The following RABGAP1L variants were observed in gnomAD, a reference collection of about 807,000 sequenced individuals.
RABGAP1L encodes rab GTPase-activating protein 1-like.
RABGAP1L carries 63 observed loss-of-function variants against 137.7 expected under a neutral mutation model. The observed-to-expected ratio is 0.46, with a 90% CI of 0.37 to 0.56. The LOEUF (loss-of-function observed/expected upper bound fraction) is 0.56, where lower values mean the gene tolerates loss of function less well. Ranked by LOEUF, RABGAP1L falls within the 20% of genes least tolerant of loss-of-function variation. RABGAP1L has a pLI of 0.00. For missense variants in RABGAP1L, 1,095 were observed against 1,244.0 expected (o/e 0.88, Z 1.80); for synonymous variants, 431 against 433.7 (o/e 0.99, Z 0.08).
chr1:174,912,838 C>T (rs1353097051), intron 19 of RABGAP1L, among the ~76,000 whole-genome samples: 1 of 152,160 alleles, frequency 6.6e-6, no homozygotes, highest in East Asian at 1.9e-4. Context: ...CCTCATTAAG[C>T]AGCACCAGTA....
In RABGAP1L at chr1:174,929,558, A is replaced by T. The variant is rs1663385511; in HGVS notation, c.2341-27899A>T. Among the ~76,000 whole-genome samples the T allele has an allele frequency of 2.0e-5, 3 of 152,070 alleles. No homozygotes were observed. The South Asian group carries it at 6.2e-4, about 31-fold the overall frequency. The stretch of plus-strand genomic sequence containing the variant: ...AGAGTTTGAGACCAGCCTGGGCAAC[A>T]TAACGAGATCCTATCTCCAGAAGCA... On this transcript the variant is annotated intron_variant, in intron 19 of 25. Coordinates refer to ENST00000681986, the MANE Select transcript of RABGAP1L (RefSeq NM_001366446.1).
At chr1:174,323,275 GGAA>G (rs1465909282) in intron 11 of RABGAP1L, among the ~76,000 whole-genome samples, 17 of 151,856 alleles carry the variant, frequency 1.1e-4, no homozygotes, top group African/African-American at 4.1e-4. Flanking sequence ...TTATATATAA[GGAA>G]GAAGATTCAA....
At chr1:174,874,732 A>C (rs958776593) in intron 19 of RABGAP1L, among the ~76,000 whole-genome samples, 1 of 151,996 alleles carries the variant, frequency 6.6e-6, no homozygotes, top group African/African-American at 2.4e-5. Flanking sequence ...TAGCTTCTGA[A>C]GTTTTGGAGG....
intron 5 of RABGAP1L, among the ~76,000 whole-genome samples, chr1:174,244,127 A>T (rs1385969542): frequency 6.6e-6 from 1 of 152,212 alleles, no homozygotes; most frequent in Non-Finnish European, 1.5e-5. Context: ...TCTGGTTCCC[A>T]GAAGTTTTCT....
chr1:174,804,255 G>GTTTGT lies in RABGAP1L; in HGVS notation c.2212-7558_2212-7554dup, dbSNP rs1192750210. ...TTTTCCCTGCGGATGTTTTTTTTTTGTTTGTTTTGTTTTGTTTTGTTTTTT... is the reference window on the plus strand; with the variant it reads ...TTTTCCCTGCGGATGTTTTTTTTTTGTTTGTTTTGTTTTGTTTTGTTTTGTTTTTT... On this transcript the variant is annotated intron_variant, in intron 18 of 25. Transcript: ENST00000681986. Among the ~76,000 whole-genome samples the GTTTGT allele has an allele frequency of 2.5e-3, 165 of 67,258 alleles. 1 individual carries two copies. Among genetic ancestry groups the GTTTGT allele is most frequent in the African/African-American group, 4.7e-3 (149 of 31,460 alleles). The allele number at this position is 67,258 out of a possible 152,430, so 44.1% of individuals were successfully genotyped here. A position where few individuals can be genotyped will look rare whatever the true frequency, so the allele number is the denominator to read the frequency against.
At chr1:174,346,573 G>T (rs1474863889) in intron 11 of RABGAP1L, among the ~76,000 whole-genome samples, 1 of 151,942 alleles carries the variant, frequency 6.6e-6, no homozygotes, top group Non-Finnish European at 1.5e-5. Context: ...AATATCTGCA[G>T]TATTGGTTGT....
Position 174,474,396 on chromosome 1 carries a change from A to T in RABGAP1L, c.1710+80251A>T, listed in dbSNP as rs369425171. ...GAATTCCATAGAAAATGTCATGATA[A>T]CTGTAGCTTTACTTCCTTCTTACTA... is the stretch of plus-strand genomic sequence containing the variant. On this transcript the variant is annotated intron_variant, in intron 13 of 25. Coordinates refer to ENST00000681986, the MANE Select transcript of RABGAP1L (RefSeq NM_001366446.1). 3.3e-5 allele frequency among the ~76,000 whole-genome samples: 5 copies of T among 152,296 alleles called. No individual in the cohort carries two copies. In the South Asian group the frequency reaches 6.2e-4, roughly 19 times the overall value.
intron 12 of RABGAP1L, among the ~76,000 whole-genome samples, chr1:174,385,901 C>G (rs1032660516): frequency 6.6e-6 from 1 of 152,080 alleles, no homozygotes; most frequent in Non-Finnish European, 1.5e-5. Flanking sequence ...AATAGTTTTG[C>G]TATAAAAGGA....
At chr1:174,574,479 T>A (rs1356152757) in intron 13 of RABGAP1L, among the ~76,000 whole-genome samples, 1 of 152,168 alleles carries the variant, frequency 6.6e-6, no homozygotes, top group Non-Finnish European at 1.5e-5. Context: ...TATTCTTCGA[T>A]GAAACAGATA....
chr1:174,892,610 CT>C, intron 19 of RABGAP1L: 1 of 533,864 alleles, frequency 1.9e-6, no homozygotes, highest in Non-Finnish European at 3.8e-6. Context: ...GGTTGGTGTT[CT>C]TGGCCTGTAC....
intron 19 of RABGAP1L, among the ~76,000 whole-genome samples, chr1:174,899,973 T>C (rs1458653319): frequency 1.3e-5 from 2 of 152,186 alleles, no homozygotes; most frequent in African/African-American, 2.4e-5. Context: ...TGAAGGACTA[T>C]AGTGCAGAAG....
At chr1:174,588,493 A>C (rs1572416492) in intron 13 of RABGAP1L, among the ~76,000 whole-genome samples, 1 of 152,262 alleles carries the variant, frequency 6.6e-6, no homozygotes, top group South Asian at 2.1e-4. Flanking sequence ...ATGTACAATA[A>C]ATTATTGTTG....
intron 19 of RABGAP1L, among the ~76,000 whole-genome samples, chr1:174,818,299 A>G (rs544049117): frequency 6.6e-6 from 1 of 152,348 alleles, no homozygotes; most frequent in South Asian, 2.1e-4. Context: ...GACTGTGAAC[A>G]CTAAGGGAAA....
intron 19 of RABGAP1L, among the ~76,000 whole-genome samples, chr1:174,924,408 A>T (rs1558237907): frequency 6.9e-6 from 1 of 145,982 alleles, no homozygotes; most frequent in African/African-American, 2.5e-5. Flanking sequence ...AAAAAAAAAG[A>T]GAGAGATACA....
At chr1:174,914,098 C>G (rs1346294554) in intron 19 of RABGAP1L, among the ~76,000 whole-genome samples, 1 of 152,186 alleles carries the variant, frequency 6.6e-6, no homozygotes, top group Non-Finnish European at 1.5e-5. Flanking sequence ...GCCTATCATA[C>G]TTAGAGTTAA....
intron 11 of RABGAP1L, among the ~76,000 whole-genome samples, chr1:174,358,466 G>A (rs1683834419): frequency 6.6e-6 from 1 of 152,160 alleles, no homozygotes; most frequent in African/African-American, 2.4e-5. Context: ...CTGGCGGGTG[G>A]TGTAGGGTTT....
chr1:174,643,558 T>C (rs757593116), intron 14 of RABGAP1L, among the ~76,000 whole-genome samples: 21 of 152,172 alleles, frequency 1.4e-4, no homozygotes, highest in Non-Finnish European at 2.8e-4. Flanking sequence ...TAAGAAAGAC[T>C]TGGAGAACCA....
chr1:174,518,724 C>T (rs931794204), intron 13 of RABGAP1L, among the ~76,000 whole-genome samples: 4 of 152,124 alleles, frequency 2.6e-5, no homozygotes, highest in African/African-American at 9.7e-5. Flanking sequence ...AAGTTGGCTG[C>T]TAGTTGTATA....
intron 13 of RABGAP1L, among the ~76,000 whole-genome samples, chr1:174,557,697 A>G (rs1244343825): frequency 6.6e-6 from 1 of 152,234 alleles, no homozygotes; most frequent in African/African-American, 2.4e-5. Flanking sequence ...GATGTTGCCC[A>G]AGAATTCTAA....
Sources: gnomAD v4.1 joint callset for allele counts (sites outside exome capture counted in the v4.1 genomes callset) on GRCh38, gnomAD v4.1.1 for gene constraint, MANE v1.5 for transcripts, NCBI Gene and HGNC (gene_info 2026-07-23, HGNC 2026-07-21) for gene names.